TASP1: variants seen among roughly 807,000 people sequenced by gnomAD.
TASP1 encodes taspase 1.
Under a neutral mutation model 56.6 loss-of-function variants are expected in TASP1, and 16 were observed. The ratio of observed to expected loss-of-function variants is 0.28; its 90% CI spans 0.19 to 0.43. The LOEUF (loss-of-function observed/expected upper bound fraction) is 0.43. Among genes scored for constraint, TASP1 ranks in the 20% least tolerant of loss-of-function variants. The pLI is 1.00. For missense variants in TASP1, 393 were observed against 511.6 expected (o/e 0.77, Z 2.24); for synonymous variants, 179 against 184.2 (o/e 0.97, Z 0.23).
intron 8 of TASP1, among the ~76,000 whole-genome samples, chr20:13,557,850 G>A (rs1030331273): frequency 6.6e-6 from 1 of 151,856 alleles, no homozygotes; most frequent in Non-Finnish European, 1.5e-5. Flanking sequence ...TGATTTACAG[G>A]CATGAGCCAC....
At chr20:13,448,633 C>T (rs759932231) in intron 11 of TASP1, among the ~76,000 whole-genome samples, 11 of 151,974 alleles carry the variant, frequency 7.2e-5, no homozygotes, top group Non-Finnish European at 1.3e-4. Flanking sequence ...AAATAAAATA[C>T]GCAAGTAGAC....
At chr20:13,179,406 C>CGTGTGCGT in the TASP1 span, among the ~76,000 whole-genome samples, 3,376 of 143,476 alleles carry the variant, frequency 0.024, 74 homozygotes, top group African/African-American at 0.06. Context: ...GAATTATGTG[C>CGTGTGCGT]GTGTGTGTGT....
chr20:13,234,707 T>TA, the TASP1 span, among the ~76,000 whole-genome samples: 6 of 152,224 alleles, frequency 3.9e-5, no homozygotes, highest in Non-Finnish European at 8.8e-5. Flanking sequence ...GATAATTAGT[T>TA]ATGTAAAGCA....
rs74728723 is a variant in TASP1 at position 13,502,681 on chromosome 20, G to A, written c.875-19344C>T. On this transcript the variant is annotated intron_variant, in intron 10 of 13. Coordinates refer to ENST00000337743, the MANE Select transcript of TASP1 (RefSeq NM_017714.3). ...TAATCAGAGAATTTGTGACAAGGTA[G>A]GAGAGGCTGCAACAGTGTTATTAAT... Among the ~76,000 whole-genome samples the A allele has an allele frequency of 5.1e-4, 73 of 142,066 alleles. No homozygotes were observed. The East Asian group carries it at 0.014, about 28-fold the overall frequency. The allele number at this position is 142,066 out of a possible 152,430, so 93.2% of individuals were successfully genotyped here. A position where few individuals can be genotyped will look rare whatever the true frequency, so the allele number is the denominator to read the frequency against.
the TASP1 span, among the ~76,000 whole-genome samples, chr20:13,210,205 T>C: frequency 6.6e-6 from 1 of 152,206 alleles, no homozygotes; most frequent in African/African-American, 2.4e-5. Flanking sequence ...CATTGGTGAT[T>C]AGTGTTCCCT....
At chr20:13,298,900 G>C in the TASP1 span, 1 of 1,596,862 alleles carries the variant, frequency 6.3e-7, no homozygotes, top group Non-Finnish European at 8.5e-7. Flanking sequence ...CTGTGGGCCG[G>C]TTGTACACGC....
chr20:13,237,627 G>A, the TASP1 span, among the ~76,000 whole-genome samples: 4 of 152,224 alleles, frequency 2.6e-5, no homozygotes, highest in Non-Finnish European at 5.9e-5. Flanking sequence ...TCTAGGCATT[G>A]GTTGCCTAGG....
chr20:13,443,370 C>A (rs9653627), intron 11 of TASP1, among the ~76,000 whole-genome samples: 8,917 of 152,200 alleles, frequency 0.059, 367 homozygotes, highest in African/African-American at 0.12. Context: ...CTTTCTATAT[C>A]CACAGAGGGA....
At chr20:13,507,091 T>C (rs921792702) in intron 10 of TASP1, among the ~76,000 whole-genome samples, 2 of 152,056 alleles carry the variant, frequency 1.3e-5, no homozygotes, top group Admixed American at 6.5e-5. Flanking sequence ...AAAATCAACA[T>C]ACAAAAATCA....
At chr20:13,367,953 C>T in the TASP1 span, among the ~76,000 whole-genome samples, 2 of 152,200 alleles carry the variant, frequency 1.3e-5, no homozygotes, top group Non-Finnish European at 2.9e-5. Context: ...TGGGGTCCTG[C>T]ATCTCCAAAT....
chr20:13,136,683 A>G, the TASP1 span, among the ~76,000 whole-genome samples: 4 of 147,660 alleles, frequency 2.7e-5, no homozygotes, highest in Non-Finnish European at 6.0e-5. Flanking sequence ...ATACTTATAT[A>G]GTATATAAAT....
chr20:13,334,975 G>A, the TASP1 span, among the ~76,000 whole-genome samples: 1 of 152,208 alleles, frequency 6.6e-6, no homozygotes, highest in South Asian at 2.1e-4. Flanking sequence ...TTTCAGACAA[G>A]CAAGAACAGA....
the TASP1 span, among the ~76,000 whole-genome samples, chr20:13,371,668 G>A: frequency 6.6e-6 from 1 of 152,036 alleles, no homozygotes; most frequent in South Asian, 2.1e-4. Context: ...GGTCTGCTTT[G>A]TGTATACTGT....
At chr20:13,617,155 CAT>C (rs933503045) in intron 4 of TASP1, 19 of 436,082 alleles carry the variant, frequency 4.4e-5, no homozygotes, top group Middle Eastern at 3.6e-4. Context: ...TGCAGAGAAA[CAT>C]AAAGACTCCA....
At chr20:13,222,130 C>T in the TASP1 span, among the ~76,000 whole-genome samples, 1 of 152,194 alleles carries the variant, frequency 6.6e-6, no homozygotes, top group Admixed American at 6.5e-5. Flanking sequence ...GGTCTGCGGG[C>T]TGCGCTCCTT....
the TASP1 span, among the ~76,000 whole-genome samples, chr20:13,277,482 G>C: frequency 1.3e-5 from 2 of 152,114 alleles, no homozygotes; most frequent in Non-Finnish European, 2.9e-5. Context: ...TCACTGCCCA[G>C]CTTGGCTCGG....
chr20:13,546,528 C>T (rs1261729686), intron 8 of TASP1, among the ~76,000 whole-genome samples: 2 of 152,184 alleles, frequency 1.3e-5, no homozygotes, highest in East Asian at 1.9e-4. Context: ...CTGTAAGTCC[C>T]CTAGCCCCCC....
the TASP1 span, among the ~76,000 whole-genome samples, chr20:13,123,184 A>T: frequency 6.6e-6 from 1 of 152,132 alleles, no homozygotes; most frequent in Admixed American, 6.5e-5. Flanking sequence ...TACAAAAATT[A>T]GCCAGGAGTG....
At chr20:13,621,340 A>G (rs1254435444) in intron 4 of TASP1, among the ~76,000 whole-genome samples, 1 of 152,190 alleles carries the variant, frequency 6.6e-6, no homozygotes, top group Non-Finnish European at 1.5e-5. Flanking sequence ...CTGAGGCACA[A>G]GAATCACTTG....
Sources: gnomAD v4.1 joint callset for allele counts (sites outside exome capture counted in the v4.1 genomes callset) on GRCh38, gnomAD v4.1.1 for gene constraint, MANE v1.5 for transcripts, NCBI Gene and HGNC (gene_info 2026-07-23, HGNC 2026-07-21) for gene names.